The following PRPF4 variants were observed in gnomAD, a reference collection of about 807,000 sequenced individuals.
PRPF4 encodes pre-mRNA splicing tri-snRNP complex factor PRPF4, also known as U4/U6 small nuclear ribonucleoprotein Prp4.
Under a neutral mutation model 72.2 loss-of-function variants are expected in PRPF4, and 14 were observed. The observed-to-expected ratio is 0.19, with a 90% CI of 0.13 to 0.30. PRPF4 has a LOEUF of 0.30. Among genes scored for constraint, PRPF4 ranks in the 10% least tolerant of loss-of-function variants. The pLI is 1.00. For missense variants in PRPF4, 478 were observed against 653.9 expected (o/e 0.73, Z 2.93); for synonymous variants, 225 against 232.2 (o/e 0.97, Z 0.28).
intron 9 of PRPF4, 59 bp from the exon 10 acceptor site, chr9:113,288,116 G>A (rs1406581581): frequency 3.3e-6 from 5 of 1,504,830 alleles, no homozygotes; most frequent in Non-Finnish European, 4.6e-6. Flanking sequence ...CAGAAGGTAA[G>A]CAGTTTTGTG....
intron 2 of PRPF4, among the ~76,000 whole-genome samples, chr9:113,278,677 T>C (rs760038735): frequency 2.3e-4 from 35 of 152,368 alleles, no homozygotes; most frequent in Non-Finnish European, 4.1e-4. Flanking sequence ...TACTCTTACT[T>C]GCTGGTCTCA....
chr9:113,284,118 A>G (rs143558571), intron 6 of PRPF4, among the ~76,000 whole-genome samples, 177 bp from the exon 7 acceptor site: 86 of 151,804 alleles, frequency 5.7e-4, no homozygotes, highest in Non-Finnish European at 1.0e-3. Context: ...GGAGTTTCAT[A>G]TAACTTCATT....
Position 113,291,005 on chromosome 9 carries a change from T to G in PRPF4, c.1361T>G (p.Val454Gly). 6.2e-7 allele frequency: 1 copy of G among 1,613,504 alleles called. No individual in the cohort carries two copies. Among genetic ancestry groups the G allele is most frequent in the Non-Finnish European group, 8.5e-7 (1 of 1,179,418 alleles). Residue 454 changes from valine (V) to glycine (G), a missense_variant, in exon 13 of 14, where the codon GTC (valine) becomes GGC (glycine). Physicochemically the swap from Val to Gly is moderately radical, Grantham distance 109. Coordinates refer to ENST00000374198, the MANE Select transcript of PRPF4 (RefSeq NM_001244926.2). The part of the protein sequence containing the change: ...IPAHQNLVTG[V>G]KFEPIHGNFL... ...GCTCATCAGAACTTAGTGACTGGTGTCAAGTTTGAGCGTAAGCTTTCCTCC... is the reference window on the plus strand; with the variant it reads ...GCTCATCAGAACTTAGTGACTGGTGGCAAGTTTGAGCGTAAGCTTTCCTCC...
rs1564238040 is a variant in PRPF4 at position 113,275,705 on chromosome 9, T to C, written c.-39T>C. 2 of 1,605,170 alleles carry C rather than the reference T, an allele frequency of 1.2e-6. No individual in the cohort carries two copies. Among genetic ancestry groups the C allele is most frequent in the Non-Finnish European group, 1.7e-6 (2 of 1,175,600 alleles). Reference sequence around the variant, plus strand: ...GCGGTGGACGGTCTGAAAGGGAGTGTTCGGGTTTCGCTGGGGCCTCGCGGC... The same window carrying C: ...GCGGTGGACGGTCTGAAAGGGAGTGCTCGGGTTTCGCTGGGGCCTCGCGGC... On this transcript the variant is annotated 5_prime_UTR_variant, in exon 1 of 14. Transcript: ENST00000374198.
intron 7 of PRPF4, among the ~76,000 whole-genome samples, chr9:113,284,727 C>T (rs1305872144): frequency 3.3e-5 from 5 of 152,104 alleles, no homozygotes; most frequent in East Asian, 3.9e-4. Flanking sequence ...TATGTGACCT[C>T]GCTAAGATAC....
At chr9:113,285,343 A>ATTTTTTTTTTTTTTTTTTTTTTTTTTT (rs71367713) in intron 7 of PRPF4, among the ~76,000 whole-genome samples, 1 of 67,508 alleles carries the variant, frequency 1.5e-5, no homozygotes, top group Non-Finnish European at 2.9e-5. Context: ...GTCTCTACAA[A>ATTTTTTTTTTTTTTTTTTTTTTTTTTT]TTTTTTTTTT....
At chr9:113,285,814 G>C (rs915505734) in intron 7 of PRPF4, among the ~76,000 whole-genome samples, 1 of 152,034 alleles carries the variant, frequency 6.6e-6, no homozygotes, top group African/African-American at 2.4e-5. Flanking sequence ...GCAGTGAACT[G>C]TGATCACACT....
rs527672381 is a variant in PRPF4, at chr9:113,291,691, GCTCT to G, written c.*36_*39del. ...AATGGGAAAAGGACTTGAACCTCAA[GCTCT>G]CTCTAAGGAGCTGTTTTCCTCAAAC... is the stretch of plus-strand genomic sequence containing the variant. On this transcript the variant is annotated 3_prime_UTR_variant, in exon 14 of 14. Coordinates refer to ENST00000374198, the MANE Select transcript of PRPF4 (RefSeq NM_001244926.2). 3,348 of 1,606,500 alleles carry G rather than the reference GCTCT, an allele frequency of 2.1e-3. 7 individuals carry two copies. The highest frequency in any genetic ancestry group is 2.6e-3 in the Non-Finnish European group (3,056 of 1,173,976).
Position 113,286,849 on chromosome 9 carries a change from G to T in PRPF4, c.932+21G>T, listed in dbSNP as rs765971138. ...GACAGGTGAATATCACTGTTCTGTG[G>T]CCCATACTGCCATCACTAAAGTAGA... On this transcript the variant is annotated intron_variant, in intron 9 of 13. Coordinates refer to ENST00000374198, the MANE Select transcript of PRPF4 (RefSeq NM_001244926.2). The T allele has an allele frequency of 2.5e-6, 4 of 1,613,768 alleles. No individual in the cohort carries two copies. In the African/African-American group the frequency reaches 5.3e-5, roughly 22 times the overall value.
At chr9:113,278,236 A>G (rs1164793394) in intron 2 of PRPF4, among the ~76,000 whole-genome samples, 2 of 152,284 alleles carry the variant, frequency 1.3e-5, no homozygotes, top group Non-Finnish European at 2.9e-5. Flanking sequence ...AAAATTATGC[A>G]TATTTGTCCT....
chr9:113,285,306 C>T (rs1238195447), intron 7 of PRPF4, among the ~76,000 whole-genome samples: 1 of 143,326 alleles, frequency 7.0e-6, no homozygotes. Context: ...AGTTTGAGAC[C>T]AGGCTGGGCA....
At chr9:113,285,190 A>C (rs1208199729) in intron 7 of PRPF4, among the ~76,000 whole-genome samples, 1 of 151,456 alleles carries the variant, frequency 6.6e-6, no homozygotes, top group Admixed American at 6.6e-5. Context: ...AAAAATTTCC[A>C]AAATAAGAAG....
intron 1 of PRPF4, 52 bp from the exon 2 acceptor site, chr9:113,276,496 G>T: frequency 6.3e-7 from 1 of 1,597,530 alleles, no homozygotes; most frequent in South Asian, 1.1e-5. Context: ...GGTGAAGTCC[G>T]GTAAATTGCC....
At chr9:113,283,711 T>C (rs1179182122) in intron 6 of PRPF4, among the ~76,000 whole-genome samples, 2 of 152,152 alleles carry the variant, frequency 1.3e-5, no homozygotes, top group Admixed American at 6.5e-5. Flanking sequence ...CCCGTTAATA[T>C]GTCAGAGTTT....
chr9:113,284,160 C>G, intron 6 of PRPF4, 135 bp from the exon 7 acceptor site: 1 of 597,614 alleles, frequency 1.7e-6, no homozygotes, highest in Non-Finnish European at 2.9e-6. Flanking sequence ...ACAGCAGCAA[C>G]AAAACCATAG....
chr9:113,289,858 A>G (rs1402927999), intron 10 of PRPF4, among the ~76,000 whole-genome samples: 1 of 152,230 alleles, frequency 6.6e-6, no homozygotes, highest in Non-Finnish European at 1.5e-5. Context: ...ATGAAAGAAT[A>G]TAACAGTGGA....
At position 113,290,694 on chromosome 9, in the gene PRPF4, TC is replaced by T. The variant is rs1316009087; in HGVS notation, c.1146-5del. On this transcript the variant is annotated splice_region_variant and splice_polypyrimidine_tract_variant and intron_variant, in intron 11 of 13. Transcript: ENST00000374198. ...CAAAGTGTTCATTTCTAAATTATTT[TC>T]TCAGGGGACTGGATGCATTTGGTCG... The T allele has an allele frequency of 6.2e-7, 1 of 1,614,194 alleles. No homozygotes were observed. The highest frequency in any genetic ancestry group is 1.7e-5 in the Admixed American group (1 of 60,030).
intron 3 of PRPF4, among the ~76,000 whole-genome samples, chr9:113,280,854 T>C (rs1032722399): frequency 2.0e-5 from 3 of 152,176 alleles, no homozygotes; most frequent in African/African-American, 7.2e-5. Context: ...CCTTTTTTTT[T>C]CTTTGAAACG....
chr9:113,285,345 T>A (rs1309106579), intron 7 of PRPF4, among the ~76,000 whole-genome samples: 3 of 4,922 alleles, frequency 6.1e-4, no homozygotes, highest in African/African-American at 3.7e-3. Flanking sequence ...CTCTACAAAT[T>A]TTTTTTTTTT....
Sources: allele counts gnomAD v4.1 joint callset (sites outside exome capture counted in the v4.1 genomes callset), GRCh38; gene constraint gnomAD v4.1.1; transcripts MANE v1.5; gene names NCBI Gene and HGNC (gene_info 2026-07-23, HGNC 2026-07-21).